HCK: variants seen among roughly 807,000 people sequenced by gnomAD.
The protein encoded by HCK is HCK proto-oncogene, Src family tyrosine kinase.
In HCK, 40 loss-of-function variants were observed where a neutral mutation model predicts 70.4. That is an observed-to-expected ratio of 0.57 (90% confidence interval 0.44 to 0.74). HCK has a LOEUF of 0.74. Among genes scored for constraint, HCK ranks in the 30% least tolerant of loss-of-function variants. The pLI, the probability that HCK is intolerant of heterozygous loss-of-function variation, is 0.00. For missense variants in HCK, 568 were observed against 697.2 expected, an observed-to-expected ratio of 0.81 and a Z score of 2.09; for synonymous variants, 245 against 263.2, an observed-to-expected ratio of 0.93 and a Z score of 0.67.
chr20:32,068,514 T>C (rs1036277736), intron 1 of HCK, among the ~76,000 whole-genome samples: 1 of 152,172 alleles, frequency 6.6e-6, no homozygotes, highest in African/African-American at 2.4e-5. Context: ...CTAGTGACCA[T>C]GAACATGGAC....
Position 32,084,384 on chromosome 20 carries a change from G to T in HCK, c.683-7G>T. On this transcript the variant is annotated splice_polypyrimidine_tract_variant and splice_region_variant and intron_variant, in intron 7 of 12. Coordinates refer to ENST00000375852, the MANE Select transcript of HCK (RefSeq NM_002110.5). ...TTGCTCTCAATTGACCAGGGACTCT[G>T]TTCCAGAGGGGAACGACGGGCTCTG... The T allele has an allele frequency of 1.2e-6, 2 of 1,610,950 alleles. No individual in the cohort carries two copies. The highest frequency in any genetic ancestry group is 1.7e-6 in the Non-Finnish European group (2 of 1,178,282).
intron 1 of HCK, among the ~76,000 whole-genome samples, chr20:32,068,590 T>C (rs1261697805): frequency 6.6e-6 from 1 of 152,020 alleles, no homozygotes; most frequent in African/African-American, 2.4e-5. Context: ...ACAATCACAT[T>C]TTACACAAAT....
In HCK at chr20:32,052,383, GT is replaced by G; in HGVS notation, c.-39del. The G allele has an allele frequency of 7.8e-7, 1 of 1,277,660 alleles. No homozygotes were observed. Among genetic ancestry groups the G allele is most frequent in the Non-Finnish European group, 1.0e-6 (1 of 1,000,540 alleles). 79.1% of individuals were successfully genotyped at this position (1,277,660 alleles called of 1,614,324 possible). A position where few individuals can be genotyped will look rare whatever the true frequency, so the allele number is the denominator to read the frequency against. ...CCCCGCCTCTAGTTCTAGAAAGTCAGTTTCCCGGCACTGGCACCCCGGAACC... is the reference window on the plus strand; with the variant it reads ...CCCCGCCTCTAGTTCTAGAAAGTCAGTTCCCGGCACTGGCACCCCGGAACC... On this transcript the variant is annotated 5_prime_UTR_variant, in exon 1 of 13. Coordinates refer to ENST00000375852, the MANE Select transcript of HCK (RefSeq NM_002110.5).
At chr20:32,060,278 T>TG (rs919112551) in intron 1 of HCK, among the ~76,000 whole-genome samples, 1 of 152,208 alleles carries the variant, frequency 6.6e-6, no homozygotes, top group African/African-American at 2.4e-5. Context: ...TGGAGTGCAG[T>TG]GGGGCAATCT....
intron 8 of HCK, among the ~76,000 whole-genome samples, chr20:32,085,407 G>A (rs539483292): frequency 5.4e-4 from 82 of 152,036 alleles, no homozygotes; most frequent in Admixed American, 3.2e-3. Flanking sequence ...CCACCTACTC[G>A]GGAGGCTAAG....
chr20:32,094,751 A>AAGAAAGAAAGAAAGGG (rs1555877786), intron 11 of HCK, among the ~76,000 whole-genome samples: 1 of 87,962 alleles, frequency 1.1e-5, no homozygotes, highest in South Asian at 3.6e-4. Context: ...GAAAGAAAGA[A>AAGAAAGAAAGAAAGGG]AGAAAGAAAG....
At chr20:32,100,935 A>G (rs2046024224) in intron 12 of HCK, among the ~76,000 whole-genome samples, 1 of 152,240 alleles carries the variant, frequency 6.6e-6, no homozygotes, top group Non-Finnish European at 1.5e-5. Flanking sequence ...GCAACTCAGC[A>G]GCTGTCAGGA....
intron 1 of HCK, among the ~76,000 whole-genome samples, chr20:32,065,409 T>C (rs1189042584): frequency 6.6e-6 from 1 of 152,198 alleles, no homozygotes; most frequent in African/African-American, 2.4e-5. Flanking sequence ...ATAATTTATT[T>C]GCTCGTGGAC....
At chr20:32,093,341 G>C (rs1022368103) in intron 10 of HCK, among the ~76,000 whole-genome samples, 3 of 152,154 alleles carry the variant, frequency 2.0e-5, no homozygotes, top group Non-Finnish European at 4.4e-5. Flanking sequence ...AAGACACTCA[G>C]TGGATTTCTG....
intron 10 of HCK, 37 bp from the exon 11 acceptor site, chr20:32,093,826 A>C: frequency 1.9e-6 from 3 of 1,585,222 alleles, no homozygotes; most frequent in Non-Finnish European, 2.6e-6. Context: ...GGCGTAGGCC[A>C]GGTCTGAGGA....
intron 1 of HCK, among the ~76,000 whole-genome samples, chr20:32,053,781 C>T (rs538185486): frequency 6.6e-5 from 10 of 152,188 alleles, no homozygotes; most frequent in South Asian, 2.1e-4. Flanking sequence ...ATCAGCATCA[C>T]CTGGACTGCT....
chr20:32,053,242 G>A (rs1037993325), intron 1 of HCK, among the ~76,000 whole-genome samples: 1 of 152,112 alleles, frequency 6.6e-6, no homozygotes, highest in Non-Finnish European at 1.5e-5. Flanking sequence ...TGCCTGTTGG[G>A]GCTGGGGTAG....
At chr20:32,053,707 C>T (rs1382109462) in intron 1 of HCK, among the ~76,000 whole-genome samples, 1 of 150,760 alleles carries the variant, frequency 6.6e-6, no homozygotes, top group African/African-American at 2.4e-5. Flanking sequence ...AGTACACAGG[C>T]TTAATGTATG....
At chr20:32,101,263 CT>C in intron 12 of HCK, 53 bp from the exon 13 acceptor site, 1 of 1,553,572 alleles carries the variant, frequency 6.4e-7, no homozygotes, top group Non-Finnish European at 8.8e-7. Flanking sequence ...CCTGCCACCC[CT>C]GGGCTCTCAT....
chr20:32,073,229 A>G (rs2045569435), intron 2 of HCK, 90 bp from the exon 3 acceptor site: 2 of 1,077,850 alleles, frequency 1.9e-6, no homozygotes, highest in African/African-American at 3.1e-5. Context: ...CTAGGGTAAG[A>G]TGCTCTTGGG....
rs1600755745 is a variant in HCK at position 32,101,426 on chromosome 20, C to T, written c.1488C>T (p.Asn496=). The change falls in exon 13 of 13, where the codon AAC becomes AAT. Residue 496 remains asparagine (N), a synonymous_variant. Coordinates refer to ENST00000375852, the MANE Select transcript of HCK (RefSeq NM_002110.5). ...ACATCATGATGCGCTGCTGGAAAAA[C>T]CGTCCGGAGGAGCGGCCGACCTTCG... is the stretch of plus-strand genomic sequence containing the variant. 6.2e-7 allele frequency: 1 copy of T among 1,614,202 alleles called. No individual in the cohort carries two copies. The highest frequency in any genetic ancestry group is 1.1e-5 in the South Asian group (1 of 91,074).
chr20:32,052,933 T>C (rs948430161), intron 1 of HCK, among the ~76,000 whole-genome samples: 1 of 151,592 alleles, frequency 6.6e-6, no homozygotes, highest in East Asian at 1.9e-4. Context: ...AGGGGGTAGT[T>C]GGGCGGAGGC....
At position 32,073,769 on chromosome 20, in the gene HCK, C is replaced by A. The variant is rs758750083; in HGVS notation, c.280C>A (p.His94Asn). Residue 94 changes from histidine to asparagine, a missense_variant, in exon 4 of 13, where the codon CAC (histidine) becomes AAC (asparagine). This residue lies in a region of HCK where 318 missense variants were observed against 336.0 expected (regional missense o/e 0.95). Transcript: ENST00000375852. Reference sequence around the variant, plus strand: ...CCTGTATGATTACGAGGCCATTCACCACGAAGACCTCAGCTTCCAGAAGGG... The same window carrying A: ...CCTGTATGATTACGAGGCCATTCACAACGAAGACCTCAGCTTCCAGAAGGG... 6.4e-7 allele frequency: 1 copy of A among 1,556,764 alleles called. No homozygotes were observed. Among genetic ancestry groups the A allele is most frequent in the Non-Finnish European group, 8.7e-7 (1 of 1,149,330 alleles).
In HCK at chr20:32,092,355, A is replaced by T. The variant is rs2045876375; in HGVS notation, c.1093-1508A>T. 2.0e-5 allele frequency among the ~76,000 whole-genome samples: 3 copies of T among 152,340 alleles called. No homozygotes were observed. The South Asian group carries it at 6.2e-4, about 32-fold the overall frequency. On this transcript the variant is annotated intron_variant, in intron 10 of 12. Coordinates refer to ENST00000375852, the MANE Select transcript of HCK (RefSeq NM_002110.5). ...GAGATTATGATCATTCCTGCCTCAA[A>T]GAGCTCAAGCCCAGTTTGTAAACCA...
Sources: gnomAD v4.1 joint callset for allele counts (sites outside exome capture counted in the v4.1 genomes callset) on GRCh38, gnomAD v4.1.1 for gene constraint, gnomAD v4.1.1 regional missense constraint, MANE v1.5 for transcripts, NCBI Gene and HGNC (gene_info 2026-07-23, HGNC 2026-07-21) for gene names.